The following RNF38 variants were observed in gnomAD, a reference collection of about 807,000 sequenced individuals.
RNF38 encodes the protein ring finger protein 38, also known as E3 ubiquitin-protein ligase RNF38.
RNF38 carries 15 observed loss-of-function variants against 67.2 expected under a neutral mutation model. The observed-to-expected ratio is 0.22, with a 90% CI of 0.15 to 0.34. The LOEUF is 0.34. Ranked by LOEUF, RNF38 falls within the 10% of genes least tolerant of loss-of-function variation. The pLI is 1.00. For synonymous variants in RNF38, 220 were observed against 218.8 expected (o/e 1.01, Z -0.05); for missense variants, 524 against 639.9 (o/e 0.82, Z 1.95).
At chr9:36,357,000 A>C (rs1834172960) in intron 5 of RNF38, among the ~76,000 whole-genome samples, 1 of 152,236 alleles carries the variant, frequency 6.6e-6, no homozygotes, top group Non-Finnish European at 1.5e-5. Flanking sequence ...CTGTTAAGTT[A>C]GTATTGGTAT....
At chr9:36,474,144 T>G (rs541349415) in intron 1 of RNF38, among the ~76,000 whole-genome samples, 1 of 150,846 alleles carries the variant, frequency 6.6e-6, no homozygotes, top group Non-Finnish European at 1.5e-5. Context: ...AAACCCCATC[T>G]CTACTACAAA....
chr9:36,480,542 CTTTTTCT>C (rs1370996400), intron 1 of RNF38, among the ~76,000 whole-genome samples: 2 of 115,062 alleles, frequency 1.7e-5, no homozygotes, highest in African/African-American at 3.1e-5. Context: ...CAGTTTTTTT[CTTTTTCT>C]TTTTTTTTTT....
intron 1 of RNF38, among the ~76,000 whole-genome samples, chr9:36,398,712 G>A (rs909615768): frequency 4.6e-5 from 7 of 152,104 alleles, no homozygotes; most frequent in Non-Finnish European, 8.8e-5. Context: ...TTTCTTAGCA[G>A]GAAAACCAAA....
chr9:36,412,217 C>A (rs767043092), intron 2 of RNF38, among the ~76,000 whole-genome samples: 10 of 152,240 alleles, frequency 6.6e-5, no homozygotes, highest in Non-Finnish European at 1.3e-4. Flanking sequence ...TCCCAATCCG[C>A]ATCCACCATG....
chr9:36,431,265 CAG>C (rs755582857), intron 1 of RNF38, among the ~76,000 whole-genome samples: 68 of 152,228 alleles, frequency 4.5e-4, no homozygotes, highest in South Asian at 4.2e-4. Flanking sequence ...AACATCATAC[CAG>C]AGAGTCAGGC....
chr9:36,480,627 C>T (rs1840233464), intron 1 of RNF38, among the ~76,000 whole-genome samples: 1 of 143,478 alleles, frequency 7.0e-6, no homozygotes, highest in African/African-American at 2.6e-5. Context: ...TCTCAACTCA[C>T]TGCAATCTCC....
At chr9:36,343,412 C>A (rs961189585) in intron 10 of RNF38, among the ~76,000 whole-genome samples, 1 of 151,942 alleles carries the variant, frequency 6.6e-6, no homozygotes, top group Non-Finnish European at 1.5e-5. Flanking sequence ...CTCAATAATA[C>A]AAAGACAAAC....
intron 1 of RNF38, among the ~76,000 whole-genome samples, chr9:36,470,979 A>G (rs554402140): frequency 1.3e-5 from 2 of 152,284 alleles, no homozygotes; most frequent in South Asian, 2.1e-4. Flanking sequence ...TACTGCAAAC[A>G]TGTCGGCTCT....
Position 36,467,080 on chromosome 9 carries a change from G to C in RNF38, n.241+20228C>G, listed in dbSNP as rs184699115. Among the ~76,000 whole-genome samples, 975 of 120,052 alleles carry C rather than the reference G, an allele frequency of 8.1e-3. 17 individuals carry two copies. The highest frequency in any genetic ancestry group is 0.03 in the African/African-American group (927 of 30,962). The allele number at this position is 120,052 out of a possible 152,430, so 78.8% of individuals were successfully genotyped here. A position where few individuals can be genotyped will look rare whatever the true frequency, so the allele number is the denominator to read the frequency against. ...TGTAATCCCTGCTACTCAGGAGGCTGAGGCAGGAGAATCATTTGAACCCAG... is the reference window on the plus strand; with the variant it reads ...TGTAATCCCTGCTACTCAGGAGGCTCAGGCAGGAGAATCATTTGAACCCAG... On this transcript the variant is annotated intron_variant and non_coding_transcript_variant, in intron 1 of 3. Coordinates refer to the RNF38 transcript ENST00000488058.
rs1489946462 is a variant in RNF38, at chr9:36,371,100, T to A, written c.357-1168A>T. Reference sequence around the variant, plus strand: ...AAAGTACTCTGCCTCATTAAAACTGTACTCTACATTGGGCAAAGGAGGTCA... The same window carrying A: ...AAAGTACTCTGCCTCATTAAAACTGAACTCTACATTGGGCAAAGGAGGTCA... On this transcript the variant is annotated intron_variant, in intron 3 of 11. Coordinates refer to ENST00000259605, the MANE Select transcript of RNF38 (RefSeq NM_022781.5). 2.0e-5 allele frequency among the ~76,000 whole-genome samples: 3 copies of A among 152,350 alleles called. No individual in the cohort carries two copies. In the East Asian group the frequency reaches 5.8e-4, roughly 29 times the overall value.
chr9:36,457,158 G>A (rs930172160), intron 1 of RNF38, among the ~76,000 whole-genome samples: 7 of 150,786 alleles, frequency 4.6e-5, no homozygotes, highest in Admixed American at 6.6e-5. Flanking sequence ...ATTTCTGCTA[G>A]ATGAATTTAT....
chr9:36,436,218 C>G (rs1054743393), intron 1 of RNF38, among the ~76,000 whole-genome samples: 5 of 151,860 alleles, frequency 3.3e-5, no homozygotes, highest in African/African-American at 7.3e-5. Flanking sequence ...AAGGGAGATG[C>G]CAAGAATGTA....
intron 2 of RNF38, among the ~76,000 whole-genome samples, chr9:36,382,768 A>G (rs1470865838): frequency 1.3e-5 from 2 of 152,188 alleles, no homozygotes; most frequent in African/African-American, 2.4e-5. Flanking sequence ...ATCAGTCAGG[A>G]CTACTCTTCA....
At chr9:36,342,929 A>C (rs1176474144) in intron 10 of RNF38, among the ~76,000 whole-genome samples, 1 of 152,188 alleles carries the variant, frequency 6.6e-6, no homozygotes, top group Non-Finnish European at 1.5e-5. Context: ...TTTGAGGGGG[A>C]TTGATTTCTA....
intron 1 of RNF38, among the ~76,000 whole-genome samples, chr9:36,476,645 T>A (rs1840127986): frequency 6.7e-6 from 1 of 149,366 alleles, no homozygotes; most frequent in African/African-American, 2.5e-5. Context: ...TGCCTCAGCC[T>A]CCCAAGTAGC....
At chr9:36,342,529 T>A in intron 10 of RNF38, 105 bp from the exon 11 acceptor site, 1 of 729,238 alleles carries the variant, frequency 1.4e-6, no homozygotes, top group Non-Finnish European at 2.3e-6. Flanking sequence ...AAACGTCACT[T>A]AAATTTTTAA....
At chr9:36,353,708 T>C (rs1833871248) in intron 6 of RNF38, among the ~76,000 whole-genome samples, 1 of 152,166 alleles carries the variant, frequency 6.6e-6, no homozygotes, top group African/African-American at 2.4e-5. Context: ...ATTTAACCTT[T>C]CACAGATGAA....
intron 1 of RNF38, among the ~76,000 whole-genome samples, chr9:36,396,712 A>G (rs1300830362): frequency 2.6e-5 from 4 of 152,116 alleles, no homozygotes; most frequent in Admixed American, 2.6e-4. Flanking sequence ...GAAATGTTCA[A>G]AATGTAACCA....
chr9:36,449,077 T>G (rs1839376580), intron 1 of RNF38, among the ~76,000 whole-genome samples: 1 of 152,206 alleles, frequency 6.6e-6, no homozygotes, highest in South Asian at 2.1e-4. Context: ...TACCTAGATC[T>G]CCTCTACAAA....
Sources: allele counts gnomAD v4.1 joint callset (sites outside exome capture counted in the v4.1 genomes callset), GRCh38; gene constraint gnomAD v4.1.1; transcripts MANE v1.5; gene names NCBI Gene and HGNC (gene_info 2026-07-23, HGNC 2026-07-21).